ARHGEF4: variants seen among roughly 807,000 people sequenced by gnomAD.
ARHGEF4 encodes the protein APC-stimulated guanine nucleotide exchange factor 1.
ARHGEF4 carries 119 observed loss-of-function variants against 162.0 expected under a neutral mutation model. That is an observed-to-expected ratio of 0.73 (90% CI 0.63 to 0.86). The LOEUF (loss-of-function observed/expected upper bound fraction) is 0.86. ARHGEF4 is among the 40% of genes least tolerant of loss of function. ARHGEF4 has a pLI of 0.00. For missense variants in ARHGEF4, 2,488 were observed against 2,456.0 expected (o/e 1.01, Z -0.28); for synonymous variants, 1,014 against 979.9 (o/e 1.03, Z -0.65).
At chr2:130,998,500 AT>A (rs1687550654) in intron 4 of ARHGEF4, among the ~76,000 whole-genome samples, 2 of 152,036 alleles carry the variant, frequency 1.3e-5, no homozygotes, top group Admixed American at 1.3e-4. Context: ...GCCACTGATA[AT>A]TTTTTCCCTT....
intron 4 of ARHGEF4, among the ~76,000 whole-genome samples, chr2:130,955,086 T>C (rs1412670523): frequency 6.6e-6 from 1 of 152,238 alleles, no homozygotes; most frequent in African/African-American, 2.4e-5. Flanking sequence ...TAGTGAACTT[T>C]TTATTTCAGT....
At chr2:130,988,707 AT>A (rs1686685657) in intron 4 of ARHGEF4, among the ~76,000 whole-genome samples, 1 of 152,044 alleles carries the variant, frequency 6.6e-6, no homozygotes, top group Admixed American at 6.6e-5. Context: ...CAACAATATT[AT>A]TTTCATGGCT....
chr2:130,940,566 C>T (rs888258905), intron 3 of ARHGEF4, among the ~76,000 whole-genome samples: 10 of 150,770 alleles, frequency 6.6e-5, no homozygotes, highest in East Asian at 6.0e-4. Flanking sequence ...GTAGGCCGGG[C>T]GCGGTGGCTC....
At chr2:130,856,442 AAAT>A (rs1681792613) in intron 1 of ARHGEF4, among the ~76,000 whole-genome samples, 2 of 152,246 alleles carry the variant, frequency 1.3e-5, no homozygotes, top group Non-Finnish European at 2.9e-5. Flanking sequence ...AAAAAAATGG[AAAT>A]AATTTGTTGC....
chr2:130,992,667 C>T (rs947161728), intron 4 of ARHGEF4, among the ~76,000 whole-genome samples: 4 of 152,204 alleles, frequency 2.6e-5, no homozygotes, highest in Non-Finnish European at 2.9e-5. Flanking sequence ...TTCTTAAAGT[C>T]AGTGAGACCA....
In ARHGEF4 at chr2:131,041,235, C is replaced by G. The variant is rs751647543; in HGVS notation, c.4668C>G (p.Ala1556=). 1.2e-6 allele frequency: 2 copies of G among 1,612,844 alleles called. No individual in the cohort carries two copies. Among genetic ancestry groups the G allele is most frequent in the African/African-American group, 2.7e-5 (2 of 74,898 alleles). The change falls in exon 9 of 14, where the codon GCC becomes GCG. Residue 1556 remains alanine (A), a synonymous_variant. Transcript: ENST00000409359. ...ELGACFLEHQ[A]DFQIYSEYCN... ...CCTCCAGCTGTGCCCCTTAGCAAGC[C>G]GACTTCCAGATCTACTCGGAGTACT...
At chr2:130,977,306 GTGTT>G (rs1339488290) in intron 4 of ARHGEF4, among the ~76,000 whole-genome samples, 14 of 151,886 alleles carry the variant, frequency 9.2e-5, no homozygotes, top group African/African-American at 1.7e-4. Context: ...TGCATAGTGT[GTGTT>G]TGTGTTTGTA....
At chr2:130,910,697 C>T (rs577188721) in intron 1 of ARHGEF4, among the ~76,000 whole-genome samples, 37 of 152,274 alleles carry the variant, frequency 2.4e-4, no homozygotes, top group Non-Finnish European at 1.9e-4. Flanking sequence ...TCCTTTCAAA[C>T]GCCCATGGGA....
chr2:130,919,577 G>A (rs770535100), intron 2 of ARHGEF4, among the ~76,000 whole-genome samples: 16 of 152,174 alleles, frequency 1.1e-4, no homozygotes, highest in African/African-American at 2.4e-4. Flanking sequence ...TAACAAGCCT[G>A]ATTTAATAGT....
chr2:130,941,013 GC>G (rs1052236262), intron 3 of ARHGEF4, among the ~76,000 whole-genome samples: 1 of 151,980 alleles, frequency 6.6e-6, no homozygotes, highest in Non-Finnish European at 1.5e-5. Context: ...GCAGGAGGCA[GC>G]CTTTTATGAT....
At chr2:130,842,125 C>G (rs1298815126) in intron 1 of ARHGEF4, among the ~76,000 whole-genome samples, 1 of 152,154 alleles carries the variant, frequency 6.6e-6, no homozygotes, top group African/African-American at 2.4e-5. Context: ...TGCTCTTTGG[C>G]CTGGAGGCAG....
intron 4 of ARHGEF4, among the ~76,000 whole-genome samples, chr2:131,010,875 G>A (rs1007371676): frequency 2.6e-5 from 4 of 152,226 alleles, no homozygotes; most frequent in Admixed American, 6.5e-5. Context: ...GCGTTGCAGA[G>A]GCATTTCCAC....
chr2:130,890,065 G>A (rs1679773282), intron 1 of ARHGEF4, among the ~76,000 whole-genome samples: 1 of 151,992 alleles, frequency 6.6e-6, no homozygotes, highest in African/African-American at 2.4e-5. Context: ...TTTGTTTAGG[G>A]GTGGATTTCC....
intron 4 of ARHGEF4, among the ~76,000 whole-genome samples, chr2:130,948,004 A>G (rs942563665): frequency 6.6e-6 from 1 of 152,268 alleles, no homozygotes; most frequent in African/African-American, 2.4e-5. Flanking sequence ...TGCTTTGTCC[A>G]GGCTTGGGAG....
chr2:131,002,736 AAAAAAG>A (rs1687863691), intron 4 of ARHGEF4, among the ~76,000 whole-genome samples: 2 of 139,648 alleles, frequency 1.4e-5, no homozygotes, highest in African/African-American at 5.6e-5. Flanking sequence ...AAAAAAAAAA[AAAAAAG>A]GGTTGTGGGG....
chr2:130,978,525 A>G (rs1280231017), intron 4 of ARHGEF4, among the ~76,000 whole-genome samples: 1 of 152,212 alleles, frequency 6.6e-6, no homozygotes, highest in Non-Finnish European at 1.5e-5. Context: ...ATCTCACAAG[A>G]CTATTTCAGT....
intron 2 of ARHGEF4, among the ~76,000 whole-genome samples, chr2:130,926,014 C>CTTT (rs376311066): frequency 1.0e-5 from 1 of 97,206 alleles, no homozygotes; most frequent in Non-Finnish European, 2.0e-5. Context: ...TTGGTTTTCT[C>CTTT]TCTTTCTTTC....
intron 2 of ARHGEF4, among the ~76,000 whole-genome samples, chr2:130,922,383 A>G (rs1429233352): frequency 6.6e-6 from 1 of 152,098 alleles, no homozygotes; most frequent in Non-Finnish European, 1.5e-5. Context: ...AAAAAAAAAA[A>G]AGAGTTTATT....
intron 4 of ARHGEF4, among the ~76,000 whole-genome samples, chr2:130,992,267 G>A (rs1017010088): frequency 1.8e-4 from 27 of 152,130 alleles, no homozygotes; most frequent in African/African-American, 5.6e-4. Context: ...GGCTGCCTGC[G>A]CTAGCACTGG....
Sources: allele counts gnomAD v4.1 joint callset (sites outside exome capture counted in the v4.1 genomes callset), GRCh38; gene constraint gnomAD v4.1.1; transcripts MANE v1.5; gene names NCBI Gene and HGNC (gene_info 2026-07-23, HGNC 2026-07-21).